LRP5: variants seen among roughly 807,000 people sequenced by gnomAD.
LRP5 encodes low-density lipoprotein receptor-related protein 5.
Under a neutral mutation model 154.1 loss-of-function variants are expected in LRP5, and 62 were observed. That is an observed-to-expected ratio of 0.40 (90% confidence interval 0.33 to 0.50). The LOEUF is 0.50. Ranked by LOEUF, LRP5 falls within the 20% of genes least tolerant of loss-of-function variation. The pLI is 0.55. For missense variants in LRP5, 1,915 were observed against 2,336.7 expected, an observed-to-expected ratio of 0.82 and a Z score of 3.72; for synonymous variants, 966 against 1,011.5, an observed-to-expected ratio of 0.96 and a Z score of 0.85.
intron 8 of LRP5, among the ~76,000 whole-genome samples, chr11:68,405,944 T>C (rs1445820759): frequency 6.6e-6 from 1 of 152,266 alleles, no homozygotes; most frequent in Admixed American, 6.5e-5. Flanking sequence ...CACTGCTTTC[T>C]TCCTGGGCCA....
chr11:68,339,650 T>A (rs888709776), intron 1 of LRP5, among the ~76,000 whole-genome samples: 2 of 152,084 alleles, frequency 1.3e-5, no homozygotes, highest in Non-Finnish European at 2.9e-5. Context: ...CTGGCCATAA[T>A]ATTCGTTTTT....
chr11:68,414,908 G>A (rs1030256359), intron 12 of LRP5, among the ~76,000 whole-genome samples: 8 of 152,196 alleles, frequency 5.3e-5, no homozygotes, highest in African/African-American at 1.9e-4. Context: ...CTTTGGTCCT[G>A]TTGCTCACCA....
chr11:68,419,351 G>C (rs1012920308), intron 13 of LRP5, among the ~76,000 whole-genome samples: 4 of 151,230 alleles, frequency 2.6e-5, no homozygotes, highest in African/African-American at 7.3e-5. Flanking sequence ...TCTCACCTCA[G>C]CCTCTCTAGT....
In LRP5 at chr11:68,384,826, T is replaced by TG. The variant is rs140311912; in HGVS notation, c.1016-1484dup. ...CACTTGAGGGCCATGGCTGAAAGGT[T>TG]GGGGGGTCTCCGTGCGTCCTGTGGA... On this transcript the variant is annotated intron_variant, in intron 5 of 22. Transcript: ENST00000294304. Among the ~76,000 whole-genome samples the TG allele has an allele frequency of 2.1e-3, 325 of 152,260 alleles. 4 individuals are homozygous for TG. In the East Asian group the frequency reaches 0.025, roughly 11 times the overall value.
intron 21 of LRP5, among the ~76,000 whole-genome samples, chr11:68,441,534 CGA>C (rs1554979373): frequency 6.6e-6 from 1 of 152,168 alleles, no homozygotes; most frequent in Non-Finnish European, 1.5e-5. Context: ...AACCAGAAGC[CGA>C]GAGTTTAAAC....
At position 68,411,426 on chromosome 11, in the gene LRP5, T is replaced by G; in HGVS notation, c.2319-10T>G. 6.2e-7 allele frequency: 1 copy of G among 1,609,856 alleles called. No homozygotes were observed. Among genetic ancestry groups the G allele is most frequent in the Non-Finnish European group, 8.5e-7 (1 of 1,179,982 alleles). On this transcript the variant is annotated splice_polypyrimidine_tract_variant and intron_variant, in intron 10 of 22. Transcript: ENST00000294304. ...TCACTGAGCCTGCCCTTCTCCCTTG[T>G]GCCTTCCAGCTACATCTACTGGACC...
At chr11:68,390,086 G>A (rs748716372) in intron 7 of LRP5, 34 bp downstream of exon 7, 5 of 1,609,224 alleles carry the variant, frequency 3.1e-6, no homozygotes, top group Non-Finnish European at 4.2e-6. Context: ...GATCCAGGAG[G>A]CCAGGCCCAG....
chr11:68,406,590 C>G lies in LRP5; in HGVS notation c.1868C>G (p.Thr623Ser), dbSNP rs774289856. 29 of 1,614,084 alleles carry G rather than the reference C, an allele frequency of 1.8e-5. No homozygotes were observed. The South Asian group carries it at 3.2e-4, about 18-fold the overall frequency. Residue 623 changes from threonine to serine, a missense_variant, in exon 9 of 23, where the codon ACC becomes AGC. Physicochemically the swap from Thr to Ser is moderately conservative, Grantham distance 58 (BLOSUM62 1). Around this residue, in one of 3 missense-constraint regions of LRP5, gnomAD observed 773 missense variants for 1,100.9 expected, o/e 0.70. Coordinates refer to ENST00000294304, the MANE Select transcript of LRP5 (RefSeq NM_002335.4). Reference sequence around the variant, plus strand: ...CTGTGCTTCTTCACACCCCACGCAACCCGGTGTGGCTGCCCCATCGGCCTG... The same window carrying G: ...CTGTGCTTCTTCACACCCCACGCAAGCCGGTGTGGCTGCCCCATCGGCCTG... ...SHLCFFTPHA[T>S]RCGCPIGLEL...
rs759297600 is a variant in LRP5 at position 68,365,684 on chromosome 11, G to A, written c.997G>A (p.Gly333Ser). 3.3e-5 allele frequency: 52 copies of A among 1,588,214 alleles called. No individual in the cohort carries two copies. The highest frequency in any genetic ancestry group is 1.9e-4 in the African/African-American group (14 of 73,480). ...CPTGVQLQDN[G>S]RTCKAGAEEV... is the part of the protein sequence containing the mutation. ...CACGGGTGTGCAGCTGCAGGACAAC[G>A]GCAGGACGTGTAAGGCAGGTGAGGC... Residue 333 changes from glycine to serine, a missense_variant, in exon 5 of 23, where the codon GGC becomes AGC. Physicochemically the swap from Gly to Ser is moderately conservative, Grantham distance 56. This residue lies in a region of LRP5 where 773 missense variants were observed against 1,100.9 expected (regional missense o/e 0.70). Transcript: ENST00000294304.
intron 9 of LRP5, among the ~76,000 whole-genome samples, chr11:68,407,291 C>T (rs893040872): frequency 6.6e-6 from 1 of 151,728 alleles, no homozygotes; most frequent in Non-Finnish European, 1.5e-5. Context: ...GCCTCAGCCT[C>T]CTGAGTAGCT....
intron 1 of LRP5, among the ~76,000 whole-genome samples, chr11:68,342,518 TG>T (rs1678331723): frequency 6.6e-6 from 1 of 152,218 alleles, no homozygotes; most frequent in African/African-American, 2.4e-5. Context: ...CTGTGGACCC[TG>T]GGGCCACTGC....
the LRP5 span, among the ~76,000 whole-genome samples, chr11:68,298,873 T>C: frequency 2.6e-5 from 4 of 152,164 alleles, no homozygotes; most frequent in Admixed American, 2.6e-4. Flanking sequence ...CCATCCGTGC[T>C]GCTGGAGATG....
upstream of LRP5, among the ~76,000 whole-genome samples, chr11:68,312,093 A>T (rs1200723880): frequency 1.3e-5 from 2 of 152,192 alleles, no homozygotes; most frequent in African/African-American, 4.8e-5. Context: ...ATTCATAACT[A>T]AGGTAGAGGG....
At chr11:68,335,416 G>A (rs531006362) in intron 1 of LRP5, among the ~76,000 whole-genome samples, 1 of 151,328 alleles carries the variant, frequency 6.6e-6, no homozygotes, top group Admixed American at 6.6e-5. Flanking sequence ...CCTTATTTAG[G>A]CTGAGTGCAG....
intron 17 of LRP5, among the ~76,000 whole-genome samples, chr11:68,431,873 G>A (rs1274480686): frequency 1.1e-5 from 1 of 93,642 alleles, no homozygotes; most frequent in African/African-American, 2.6e-5. Flanking sequence ...ACCACCCCCT[G>A]GCCTGGGCCC....
At chr11:68,301,503 T>C in the LRP5 span, among the ~76,000 whole-genome samples, 1 of 149,014 alleles carries the variant, frequency 6.7e-6, no homozygotes, top group African/African-American at 2.4e-5. Context: ...TAAAAATAAA[T>C]GTGATGTTGC....
chr11:68,449,199 C>CGT lies in LRP5; in HGVS notation c.*129_*130insGT. Reference sequence around the variant, plus strand: ...ATTTTAAAAACATGAGAAATGTGAACTGTGATGGGGTGGGCAGGGCTGGGA... The same window carrying CGT: ...ATTTTAAAAACATGAGAAATGTGAACGTTGTGATGGGGTGGGCAGGGCTGGGA... On this transcript the variant is annotated 3_prime_UTR_variant, in exon 23 of 23. Transcript: ENST00000294304. 1 of 439,012 alleles carries CGT rather than the reference C, an allele frequency of 2.3e-6. No individual in the cohort carries two copies. Among genetic ancestry groups the CGT allele is most frequent in the Non-Finnish European group, 3.9e-6 (1 of 258,956 alleles). The allele number at this position is 439,012 out of a possible 1,614,324, so 27.2% of individuals were successfully genotyped here.
At chr11:68,385,931 C>T (rs542760633) in intron 5 of LRP5, among the ~76,000 whole-genome samples, 10 of 152,144 alleles carry the variant, frequency 6.6e-5, no homozygotes, top group East Asian at 1.9e-4. Context: ...GCCTGGTACC[C>T]GGCGGGACTT....
At chr11:68,406,115 T>G (rs1047373025) in intron 8 of LRP5, among the ~76,000 whole-genome samples, 7 of 152,260 alleles carry the variant, frequency 4.6e-5, no homozygotes, top group African/African-American at 1.7e-4. Context: ...ATGGAGTGAG[T>G]TCGGACAGGT....
Sources: allele counts gnomAD v4.1 joint callset (sites outside exome capture counted in the v4.1 genomes callset), GRCh38; gene constraint gnomAD v4.1.1; regional missense constraint gnomAD v4.1.1; transcripts MANE v1.5; gene names NCBI Gene and HGNC (gene_info 2026-07-23, HGNC 2026-07-21).